ROCK1: variants seen among roughly 807,000 people sequenced by gnomAD.
ROCK1 encodes Rho associated coiled-coil containing protein kinase 1.
In ROCK1, 36 loss-of-function variants were observed where a neutral mutation model predicts 196.8. The observed-to-expected ratio is 0.18, with a 90% CI of 0.14 to 0.24. The LOEUF (loss-of-function observed/expected upper bound fraction) is 0.24, where lower values mean the gene tolerates loss of function less well. ROCK1 is among the 10% of genes least tolerant of loss of function. ROCK1 has a pLI of 1.00. For missense variants in ROCK1, 920 were observed against 1,562.0 expected, an observed-to-expected ratio of 0.59 and a Z score of 6.93; for synonymous variants, 443 against 515.9, an observed-to-expected ratio of 0.86 and a Z score of 1.91.
At chr18:21,087,278 A>C (rs2036535829) in intron 1 of ROCK1, among the ~76,000 whole-genome samples, 1 of 152,164 alleles carries the variant, frequency 6.6e-6, no homozygotes, top group African/African-American at 2.4e-5. Flanking sequence ...AAAAACAGGG[A>C]GGTAAAAACA....
chr18:21,042,266 A>G (rs1358940570), intron 7 of ROCK1, 31 bp from the exon 8 acceptor site: 3 of 1,531,810 alleles, frequency 2.0e-6, no homozygotes, highest in African/African-American at 1.4e-5. Flanking sequence ...ACAAAAGCAA[A>G]ATGAAATACA....
At chr18:20,958,882 AATATATATATTTATTTATAT>A (rs1194658788) in intron 29 of ROCK1, among the ~76,000 whole-genome samples, 1 of 26,880 alleles carries the variant, frequency 3.7e-5, no homozygotes, top group Non-Finnish European at 6.3e-5. Context: ...TATATATATA[AATATATATATTTATTTATAT>A]ATATATATTT....
rs752516696 is a variant in ROCK1 at position 21,042,187 on chromosome 18, A to AGC, written c.868_869insGC (p.Ile290SerfsTer3). 6.2e-7 allele frequency: 1 copy of AGC among 1,603,934 alleles called. No homozygotes were observed. Among genetic ancestry groups the AGC allele is most frequent in the South Asian group, 1.1e-5 (1 of 89,050 alleles). On this transcript the variant is annotated frameshift_variant, in exon 8 of 33. Transcript: ENST00000399799. LOFTEE classifies it high-confidence loss of function. ...GGTAAGTGAATTTTTATGGTTCATA[A>AGC]TTTTACTGTAAGTTCCAACCAAAGA...
At chr18:21,072,780 T>C (rs779993900) in intron 1 of ROCK1, among the ~76,000 whole-genome samples, 3 of 152,066 alleles carry the variant, frequency 2.0e-5, no homozygotes, top group Non-Finnish European at 2.9e-5. Flanking sequence ...AATTTAAAAA[T>C]GTAGAGGAGG....
rs550940834 is a variant in ROCK1 at position 21,082,407 on chromosome 18, T to C, written c.94-11794A>G. 5.9e-5 allele frequency among the ~76,000 whole-genome samples: 9 copies of C among 152,230 alleles called. No individual in the cohort carries two copies. In the South Asian group the frequency reaches 1.5e-3, roughly 25 times the overall value. On this transcript the variant is annotated intron_variant, in intron 1 of 32. Transcript: ENST00000399799. ...ATTACATATCAGAGTTTATGAAACA[T>C]ATGAATATAGACATAAAAATGCCCA...
intron 1 of ROCK1, among the ~76,000 whole-genome samples, chr18:21,083,779 G>A (rs1340858946): frequency 6.6e-6 from 1 of 152,098 alleles, no homozygotes; most frequent in African/African-American, 2.4e-5. Context: ...TAATCAACTG[G>A]TTTTGCTATC....
chr18:21,075,267 C>T (rs180891446), intron 1 of ROCK1, among the ~76,000 whole-genome samples: 43 of 152,182 alleles, frequency 2.8e-4, no homozygotes, highest in Non-Finnish European at 4.1e-4. Flanking sequence ...GACTGAAAAA[C>T]TGGGTAAACA....
At chr18:21,008,250 AAGTG>A in intron 13 of ROCK1, 56 bp from the exon 14 acceptor site, 2 of 1,283,014 alleles carry the variant, frequency 1.6e-6, no homozygotes, top group South Asian at 3.0e-5. Context: ...TCATTCATTC[AAGTG>A]AGTATTTTGT....
chr18:20,992,816 T>C lies in ROCK1; in HGVS notation c.1992+15A>G, dbSNP rs1356233346. ...TTACTATTTTATAATAATTGGTATA[T>C]GTTAAATCATTTACCTTTTCTGAGT... On this transcript the variant is annotated intron_variant, in intron 17 of 32. Transcript: ENST00000399799. 2.1e-6 allele frequency: 3 copies of C among 1,425,706 alleles called. No individual in the cohort carries two copies. The highest frequency in any genetic ancestry group is 1.4e-5 in the African/African-American group (1 of 71,234). 88.3% of individuals were successfully genotyped at this position (1,425,706 alleles called of 1,614,324 possible).
At chr18:20,953,962 A>G (rs2035216234) in intron 31 of ROCK1, among the ~76,000 whole-genome samples, 177 bp from the exon 32 acceptor site, 1 of 151,964 alleles carries the variant, frequency 6.6e-6, no homozygotes, top group Non-Finnish European at 1.5e-5. Context: ...AAAAAAAAAA[A>G]TTAGTCAAAC....
chr18:21,009,006 T>C (rs1326224103), intron 13 of ROCK1, among the ~76,000 whole-genome samples: 1 of 152,092 alleles, frequency 6.6e-6, no homozygotes, highest in Admixed American at 6.6e-5. Flanking sequence ...GAACTGGTCA[T>C]CACAACAATT....
intron 2 of ROCK1, among the ~76,000 whole-genome samples, chr18:21,058,597 G>A (rs114827092): frequency 6.6e-6 from 1 of 151,986 alleles, no homozygotes; most frequent in Admixed American, 6.6e-5. Flanking sequence ...ATAAAAATCT[G>A]ATTTTTCTTT....
At chr18:21,069,451 C>T (rs1256877906) in intron 2 of ROCK1, among the ~76,000 whole-genome samples, 2 of 152,006 alleles carry the variant, frequency 1.3e-5, no homozygotes, top group Non-Finnish European at 2.9e-5. Context: ...ACTTTTATTT[C>T]ACTTATTTCT....
intron 16 of ROCK1, among the ~76,000 whole-genome samples, chr18:20,993,980 G>A (rs1464857522): frequency 6.6e-6 from 1 of 152,182 alleles, no homozygotes. Flanking sequence ...TTGACTTACT[G>A]TACTTGTCCC....
chr18:20,985,599 G>C (rs2035571302), intron 19 of ROCK1, among the ~76,000 whole-genome samples: 1 of 152,146 alleles, frequency 6.6e-6, no homozygotes, highest in African/African-American at 2.4e-5. Flanking sequence ...CCTCCTGGCT[G>C]TAAGTTCCAA....
At chr18:21,051,627 G>C (rs1468552514) in intron 2 of ROCK1, among the ~76,000 whole-genome samples, 1 of 152,172 alleles carries the variant, frequency 6.6e-6, no homozygotes, top group African/African-American at 2.4e-5. Context: ...CTATCAGCCA[G>C]TAGTTACAGT....
chr18:21,010,481 G>A (rs1363254224), intron 13 of ROCK1, among the ~76,000 whole-genome samples: 1 of 152,080 alleles, frequency 6.6e-6, no homozygotes, highest in African/African-American at 2.4e-5. Flanking sequence ...TTTTTTCACT[G>A]AGACTTCTTC....
At chr18:21,036,571 A>C (rs2036059164) in intron 9 of ROCK1, among the ~76,000 whole-genome samples, 1 of 152,080 alleles carries the variant, frequency 6.6e-6, no homozygotes, top group Non-Finnish European at 1.5e-5. Context: ...CAGCCTCCCA[A>C]GTAGTTGAAA....
intron 31 of ROCK1, 22 bp from the exon 32 acceptor site, chr18:20,953,807 A>AG (rs1386315496): frequency 9.1e-7 from 1 of 1,104,024 alleles, no homozygotes; most frequent in Admixed American, 3.1e-5. Context: ...AGGAAAAAAA[A>AG]AGCATAATTA....
Sources: gnomAD v4.1 joint callset for allele counts (sites outside exome capture counted in the v4.1 genomes callset) on GRCh38, gnomAD v4.1.1 for gene constraint, MANE v1.5 for transcripts, NCBI Gene and HGNC (gene_info 2026-07-23, HGNC 2026-07-21) for gene names.